Variants in STK33 observed in about 807,000 individuals in gnomAD.
STK33 encodes serine/threonine-protein kinase 33.
In STK33, 52 loss-of-function variants were observed where a neutral mutation model predicts 58.0. The observed-to-expected ratio is 0.90, with a 90% confidence interval of 0.72 to 1.13. The LOEUF (loss-of-function observed/expected upper bound fraction) is 1.13, where lower values mean the gene tolerates loss of function less well. Among genes scored for constraint, STK33 ranks in the 50% most tolerant of loss-of-function variants. STK33 has a pLI of 0.00. For synonymous variants in STK33, 215 were observed against 200.1 expected, an observed-to-expected ratio of 1.07 and a Z score of -0.63; for missense variants, 630 against 604.2, an observed-to-expected ratio of 1.04 and a Z score of -0.45.
intron 1 of STK33, among the ~76,000 whole-genome samples, chr11:8,501,202 AAAAT>A: frequency 6.6e-6 from 1 of 152,194 alleles, no homozygotes; most frequent in African/African-American, 2.4e-5. Context: ...CATGGACTTT[AAAAT>A]AAGAAACATT....
At chr11:8,405,253 G>A (rs985783171) in intron 15 of STK33, among the ~76,000 whole-genome samples, 1 of 152,332 alleles carries the variant, frequency 6.6e-6, no homozygotes, top group South Asian at 2.1e-4. Context: ...ATCTGGACTT[G>A]TTAGTTTTTA....
chr11:8,342,349 G>A, the STK33 span, among the ~76,000 whole-genome samples: 1 of 152,230 alleles, frequency 6.6e-6, no homozygotes, highest in Non-Finnish European at 1.5e-5. Context: ...TGTGCCAGCA[G>A]TTGGCCTTTC....
At chr11:8,523,351 GTC>G (rs1271014104) in intron 1 of STK33, among the ~76,000 whole-genome samples, 1 of 150,050 alleles carries the variant, frequency 6.7e-6, no homozygotes, top group African/African-American at 2.5e-5. Flanking sequence ...AGTGAGGAGC[GTC>G]TCTGCCCGGC....
chr11:8,441,357 A>AT (rs543746826), intron 11 of STK33, among the ~76,000 whole-genome samples: 249 of 144,784 alleles, frequency 1.7e-3, no homozygotes, highest in South Asian at 1.8e-3. Context: ...GTGTGTGTGT[A>AT]TTTTTTTTTT....
At chr11:8,551,220 C>T (rs1226707063) in intron 1 of STK33, among the ~76,000 whole-genome samples, 3 of 152,028 alleles carry the variant, frequency 2.0e-5, no homozygotes, top group Non-Finnish European at 4.4e-5. Flanking sequence ...ACCTTTGCCT[C>T]CTGGGTTCAA....
At chr11:8,494,593 T>G (rs2138844759) in intron 1 of STK33, among the ~76,000 whole-genome samples, 1 of 152,276 alleles carries the variant, frequency 6.6e-6, no homozygotes, top group African/African-American at 2.4e-5. Context: ...TGGAAAAAAC[T>G]ACTTTAAAGT....
intron 1 of STK33, among the ~76,000 whole-genome samples, chr11:8,515,278 C>T (rs7105092): frequency 0.016 from 2,484 of 152,158 alleles, 61 homozygotes; most frequent in African/African-American, 0.05. Context: ...GAGACTACTA[C>T]GAACAATTAT....
intron 6 of STK33, among the ~76,000 whole-genome samples, chr11:8,467,864 G>C (rs1185814583): frequency 2.6e-5 from 4 of 152,018 alleles, no homozygotes; most frequent in Admixed American, 2.6e-4. Flanking sequence ...CGAATTGCTT[G>C]AACCCAGGAG....
chr11:8,424,096 T>C (rs1381479056), intron 14 of STK33, among the ~76,000 whole-genome samples: 1 of 151,734 alleles, frequency 6.6e-6, no homozygotes, highest in Admixed American at 6.6e-5. Flanking sequence ...CATTAACTCA[T>C]CATTTAACAT....
At chr11:8,498,424 C>T (rs1951229124) in intron 1 of STK33, among the ~76,000 whole-genome samples, 1 of 152,010 alleles carries the variant, frequency 6.6e-6, no homozygotes, top group African/African-American at 2.4e-5. Context: ...AAACCCTGCT[C>T]GAGGAAATAA....
chr11:8,575,001 C>A (rs761643157), intron 1 of STK33, among the ~76,000 whole-genome samples: 33 of 152,056 alleles, frequency 2.2e-4, no homozygotes, highest in Non-Finnish European at 3.4e-4. Flanking sequence ...ACTATAATTG[C>A]GCAACTGCAC....
At chr11:8,529,587 T>A (rs10769912) in intron 1 of STK33, among the ~76,000 whole-genome samples, 13,322 of 152,106 alleles carry the variant, frequency 0.088, 1,338 homozygotes, top group African/African-American at 0.25. Flanking sequence ...CTGTTGTTGA[T>A]GTGATTATCT....
At chr11:8,532,325 T>C (rs1954619153) in intron 1 of STK33, among the ~76,000 whole-genome samples, 1 of 152,256 alleles carries the variant, frequency 6.6e-6, no homozygotes, top group Non-Finnish European at 1.5e-5. Flanking sequence ...AAAGTTTTAT[T>C]GGAATACATA....
At chr11:8,510,682 G>A (rs779122998) in intron 1 of STK33, among the ~76,000 whole-genome samples, 13 of 152,186 alleles carry the variant, frequency 8.5e-5, no homozygotes, top group Non-Finnish European at 1.8e-4. Flanking sequence ...TTTTGTATAA[G>A]GTGAGAGATG....
At chr11:8,469,417 C>A (rs1056002914) in intron 6 of STK33, among the ~76,000 whole-genome samples, 2 of 152,216 alleles carry the variant, frequency 1.3e-5, no homozygotes, top group African/African-American at 4.8e-5. Context: ...AAAGTCAGTC[C>A]CATCTTCAGG....
chr11:8,558,451 T>C (rs934161143), intron 1 of STK33, among the ~76,000 whole-genome samples: 2 of 151,898 alleles, frequency 1.3e-5, no homozygotes, highest in Non-Finnish European at 2.9e-5. Flanking sequence ...AATCATAGCA[T>C]TTTTGTATAT....
At chr11:8,494,184 T>C (rs1277974531) in intron 1 of STK33, among the ~76,000 whole-genome samples, 1 of 152,192 alleles carries the variant, frequency 6.6e-6, no homozygotes, top group Admixed American at 6.5e-5. Flanking sequence ...GACATGATTG[T>C]ATATTTAGAA....
At chr11:8,502,844 A>G (rs1355153399) in intron 1 of STK33, among the ~76,000 whole-genome samples, 1 of 152,218 alleles carries the variant, frequency 6.6e-6, no homozygotes. Flanking sequence ...TCAAAATATG[A>G]CATACATGCA....
At chr11:8,446,880 A>G (rs1251875200) in intron 11 of STK33, among the ~76,000 whole-genome samples, 3 of 152,126 alleles carry the variant, frequency 2.0e-5, no homozygotes, top group Non-Finnish European at 4.4e-5. Flanking sequence ...AGAAAACCTA[A>G]GCAATACCAT....
Sources: gnomAD v4.1 joint callset for allele counts (sites outside exome capture counted in the v4.1 genomes callset) on GRCh38, gnomAD v4.1.1 for gene constraint, MANE v1.5 for transcripts, NCBI Gene and HGNC (gene_info 2026-07-23, HGNC 2026-07-21) for gene names.